The following PPP2R2B variants were observed in gnomAD, a reference collection of about 807,000 sequenced individuals.
PPP2R2B encodes the protein serine/threonine-protein phosphatase 2A 55 kDa regulatory subunit B beta isoform.
A neutral mutation model predicts 46.0 loss-of-function variants in PPP2R2B; 5 were observed. The ratio of observed to expected loss-of-function variants is 0.11; its 90% CI spans 0.06 to 0.23. The LOEUF (loss-of-function observed/expected upper bound fraction) is 0.23. Ranked by LOEUF, PPP2R2B falls within the 10% of genes least tolerant of loss-of-function variation. The pLI, the probability that PPP2R2B is intolerant of heterozygous loss-of-function variation, is 1.00. For missense variants in PPP2R2B, 367 were observed against 575.0 expected (o/e 0.64, Z 3.70); for synonymous variants, 215 against 206.7 (o/e 1.04, Z -0.34).
intron 1 of PPP2R2B, among the ~76,000 whole-genome samples, chr5:146,993,091 C>T (rs1366685844): frequency 1.3e-5 from 2 of 151,446 alleles, no homozygotes; most frequent in Non-Finnish European, 2.9e-5. Flanking sequence ...CACATGTGTG[C>T]ACCACCATGC....
chr5:146,946,094 A>G (rs1764471630), intron 1 of PPP2R2B, among the ~76,000 whole-genome samples: 2 of 152,282 alleles, frequency 1.3e-5, no homozygotes, highest in South Asian at 4.1e-4. Flanking sequence ...AAAATGATTT[A>G]TCTAAAATCT....
At chr5:147,031,470 A>G (rs1379439669) in intron 1 of PPP2R2B, among the ~76,000 whole-genome samples, 1 of 91,414 alleles carries the variant, frequency 1.1e-5, no homozygotes, top group Non-Finnish European at 2.2e-5. Flanking sequence ...TGATGTGTCT[A>G]GGCATTGCTT....
chr5:146,824,694 A>G (rs1424765599), intron 2 of PPP2R2B, among the ~76,000 whole-genome samples: 3 of 152,080 alleles, frequency 2.0e-5, no homozygotes, highest in African/African-American at 7.2e-5. Flanking sequence ...ATAATTAATT[A>G]AGCCTCTCTT....
chr5:146,692,593 G>T (rs1464242609), intron 4 of PPP2R2B, among the ~76,000 whole-genome samples: 1 of 149,016 alleles, frequency 6.7e-6, no homozygotes, highest in Non-Finnish European at 1.5e-5. Context: ...GAGCGCAGTG[G>T]CACAATCTCA....
intron 2 of PPP2R2B, among the ~76,000 whole-genome samples, chr5:146,874,487 G>A (rs1761786400): frequency 6.6e-6 from 1 of 152,218 alleles, no homozygotes; most frequent in African/African-American, 2.4e-5. Context: ...AATGAATTAA[G>A]GGTGGGCTTT....
chr5:146,696,256 A>G (rs372189344), intron 4 of PPP2R2B, among the ~76,000 whole-genome samples: 1 of 152,024 alleles, frequency 6.6e-6, no homozygotes. Flanking sequence ...GGTGCCGGCC[A>G]CCACACCCGG....
At chr5:146,682,505 T>A (rs1394476661) in intron 5 of PPP2R2B, among the ~76,000 whole-genome samples, 10 of 152,188 alleles carry the variant, frequency 6.6e-5, no homozygotes, top group African/African-American at 2.4e-4. Flanking sequence ...GGTTTAAAAA[T>A]ATGGCTGTGC....
At chr5:146,817,854 G>T (rs1046123753) in intron 2 of PPP2R2B, among the ~76,000 whole-genome samples, 3 of 152,128 alleles carry the variant, frequency 2.0e-5, no homozygotes, top group Non-Finnish European at 4.4e-5. Context: ...TTATTCTGAT[G>T]CCAATTTAAA....
chr5:146,713,711 G>T (rs183246356), intron 2 of PPP2R2B, among the ~76,000 whole-genome samples: 1 of 152,270 alleles, frequency 6.6e-6, no homozygotes, highest in Non-Finnish European at 1.5e-5. Context: ...CTGATGGATT[G>T]ATTATAGGGT....
rs542000801 is a variant in PPP2R2B at position 147,078,273 on chromosome 5, T to C, written c.50+2786A>G. Among the ~76,000 whole-genome samples, 15 of 152,348 alleles carry C rather than the reference T, an allele frequency of 9.8e-5. No homozygotes were observed. The South Asian group carries it at 2.5e-3, about 25-fold the overall frequency. On this transcript the variant is annotated intron_variant, in intron 2 of 10. Transcript: ENST00000394413. ...CACTGACGCCAATGCTGTATCTGTA[T>C]TATCTTATTAATTTGTCTTAAGCAA...
At chr5:146,821,260 C>T (rs1298182845) in intron 2 of PPP2R2B, among the ~76,000 whole-genome samples, 1 of 152,174 alleles carries the variant, frequency 6.6e-6, no homozygotes, top group Non-Finnish European at 1.5e-5. Context: ...CACCTGCCAT[C>T]CCTTAATACC....
intron 2 of PPP2R2B, chr5:146,856,694 T>C: frequency 1.3e-6 from 1 of 743,684 alleles, no homozygotes; most frequent in Non-Finnish European, 2.3e-6. Flanking sequence ...ACCATCTCTT[T>C]GGGAGAGTTT....
chr5:146,793,125 T>C (rs2151296436), intron 2 of PPP2R2B, among the ~76,000 whole-genome samples: 1 of 152,294 alleles, frequency 6.6e-6, no homozygotes, highest in South Asian at 2.1e-4. Context: ...ATAGAGCCAA[T>C]ATGATTTTCT....
At chr5:146,597,972 C>G (rs552208550) in intron 8 of PPP2R2B, among the ~76,000 whole-genome samples, 3 of 152,362 alleles carry the variant, frequency 2.0e-5, no homozygotes, top group South Asian at 2.1e-4. Context: ...CTAATGGTCT[C>G]TCTCTCTAGT....
chr5:146,782,880 G>C (rs1439239501), intron 2 of PPP2R2B, among the ~76,000 whole-genome samples: 1 of 152,036 alleles, frequency 6.6e-6, no homozygotes, highest in African/African-American at 2.4e-5. Flanking sequence ...GGAAGGAAGG[G>C]AGGCAGAAAA....
At position 146,752,412 on chromosome 5, in the gene PPP2R2B, T is replaced by C. The variant is rs1364121472; in HGVS notation, c.71-51270A>G. Among the ~76,000 whole-genome samples the C allele has an allele frequency of 2.6e-5, 4 of 152,204 alleles. No homozygotes were observed. In the South Asian group the frequency reaches 6.2e-4, roughly 24 times the overall value. On this transcript the variant is annotated intron_variant, in intron 2 of 9. Transcript: ENST00000394411. ...TCTTCCCTGACCACCCCTCATCCTA[T>C]CAGTGCTGCTCATTTTATTTCTCAG...
chr5:146,677,957 T>C (rs1777859064), intron 5 of PPP2R2B, among the ~76,000 whole-genome samples: 1 of 152,194 alleles, frequency 6.6e-6, no homozygotes, highest in African/African-American at 2.4e-5. Context: ...GTAAGATTAA[T>C]GTTAGGTTAG....
intron 1 of PPP2R2B, among the ~76,000 whole-genome samples, chr5:146,934,251 C>T (rs1297868133): frequency 4.6e-5 from 7 of 151,642 alleles, no homozygotes; most frequent in East Asian, 1.9e-4. Flanking sequence ...CCTGAGGAAT[C>T]GCCACACTGA....
At chr5:146,882,631 G>A (rs1762203626), upstream of PPP2R2B, among the ~76,000 whole-genome samples, 1 of 152,222 alleles carries the variant, frequency 6.6e-6, no homozygotes, top group South Asian at 2.1e-4. Flanking sequence ...ATTTACTTTC[G>A]TCATCATCAC....
Sources: allele counts gnomAD v4.1 joint callset (sites outside exome capture counted in the v4.1 genomes callset), GRCh38; gene constraint gnomAD v4.1.1; transcripts MANE v1.5; gene names NCBI Gene and HGNC (gene_info 2026-07-23, HGNC 2026-07-21).